The following GRB10 variants were observed in gnomAD, a reference collection of about 807,000 sequenced individuals.
GRB10 encodes the protein growth factor receptor-bound protein 10.
Under a neutral mutation model 80.9 loss-of-function variants are expected in GRB10, and 20 were observed. The observed-to-expected ratio is 0.25, with a 90% CI of 0.17 to 0.36. The LOEUF is 0.36. GRB10 is among the 10% of genes least tolerant of loss of function. The pLI is 1.00. For missense variants in GRB10, 548 were observed against 747.7 expected (o/e 0.73, Z 3.12); for synonymous variants, 291 against 291.5 (o/e 1.00, Z 0.02).
rs772801673 is a variant in GRB10 at position 50,669,733 on chromosome 7, C to A, written c.493G>T (p.Ala165Ser). 19 of 1,612,880 alleles carry A rather than the reference C, an allele frequency of 1.2e-5. No individual in the cohort carries two copies. Among genetic ancestry groups the A allele is most frequent in the Admixed American group, 1.0e-4 (6 of 60,008 alleles). ...TPGSLPPSQA[A>S]AKQDVKVFSE... ...AGGGGCACACTCACCTGCTTTGCGGCGGCCTGGCTCGGAGGTAAAGAACCC... is the reference window on the plus strand; with the variant it reads ...AGGGGCACACTCACCTGCTTTGCGGAGGCCTGGCTCGGAGGTAAAGAACCC... The change falls in exon 7 of 19, where the codon GCC (alanine) becomes TCC (serine). Residue 165 changes from alanine (A) to serine (S), a missense_variant. By Grantham distance (99) the Ala-to-Ser change is moderately conservative (BLOSUM62 1). Transcript: ENST00000401949.
intron 1 of GRB10, chr7:50,792,725 G>A (rs1318561535): frequency 1.2e-5 from 4 of 331,728 alleles, no homozygotes; most frequent in African/African-American, 8.6e-5. Flanking sequence ...CGGACGCCCG[G>A]ACGCCCGGGC....
At chr7:50,617,187 A>G (rs2050800857) in intron 10 of GRB10, among the ~76,000 whole-genome samples, 1 of 152,214 alleles carries the variant, frequency 6.6e-6, no homozygotes, top group Non-Finnish European at 1.5e-5. Flanking sequence ...GCCAGAACAG[A>G]CACATGCTAT....
chr7:50,777,427 T>TACACACACACACAC (rs1165846037), intron 2 of GRB10, among the ~76,000 whole-genome samples: 1 of 24,436 alleles, frequency 4.1e-5, no homozygotes, highest in Non-Finnish European at 9.4e-5. Context: ...CAGCAATCTG[T>TACACACACACACAC]ATACACACAC....
chr7:50,635,983 T>C (rs2054937283), intron 7 of GRB10, among the ~76,000 whole-genome samples: 1 of 125,052 alleles, frequency 8.0e-6, no homozygotes, highest in African/African-American at 2.9e-5. Context: ...TTTTTTTTTT[T>C]TTTTTTTGAG....
At chr7:50,605,176 A>T in intron 15 of GRB10, 114 bp downstream of exon 15, 1 of 719,988 alleles carries the variant, frequency 1.4e-6, no homozygotes, top group Admixed American at 2.2e-5. Context: ...CACCCCACCC[A>T]ACATGGCACC....
In GRB10 at chr7:50,591,793, G is replaced by A. The variant is rs535803681; in HGVS notation, c.*1159C>T. ...GGCTTATGGGGGTTTTCAGCAGGAC[G>A]GAGGGCTGCAAGCAAAGATCTTTAA... is the stretch of plus-strand genomic sequence containing the variant. On this transcript the variant is annotated 3_prime_UTR_variant, in exon 19 of 19. Coordinates refer to ENST00000401949, the MANE Select transcript of GRB10 (RefSeq NM_001350814.2). 2.6e-4 allele frequency: 40 copies of A among 152,358 alleles called. No homozygotes were observed. Among genetic ancestry groups the A allele is most frequent in the African/African-American group, 7.9e-4 (33 of 41,560 alleles). 9.4% of individuals were successfully genotyped at this position (152,358 alleles called of 1,614,324 possible).
At chr7:50,776,143 C>A (rs2077611225) in intron 2 of GRB10, among the ~76,000 whole-genome samples, 1 of 152,156 alleles carries the variant, frequency 6.6e-6, no homozygotes. Flanking sequence ...TTGGCCACAC[C>A]CTTAGTGTTT....
chr7:50,665,847 G>T (rs973471634), intron 7 of GRB10, among the ~76,000 whole-genome samples: 1 of 152,228 alleles, frequency 6.6e-6, no homozygotes, highest in African/African-American at 2.4e-5. Flanking sequence ...CCGATCAGAA[G>T]TAGCCCCCTT....
chr7:50,791,299 C>T (rs149203941), intron 1 of GRB10, among the ~76,000 whole-genome samples: 221 of 152,236 alleles, frequency 1.5e-3, no homozygotes, highest in African/African-American at 5.2e-3. Flanking sequence ...ATCTAGAATG[C>T]TCTGGTAACA....
intron 4 of GRB10, chr7:50,727,711 A>C (rs1316677417): frequency 2.2e-5 from 3 of 138,568 alleles, no homozygotes; most frequent in Non-Finnish European, 4.6e-5. Context: ...AAATTTACAT[A>C]AGTATCGCAC....
chr7:50,612,883 T>C (rs2049837337), intron 12 of GRB10, 44 bp from the exon 13 acceptor site: 1 of 1,313,142 alleles, frequency 7.6e-7, no homozygotes, highest in Non-Finnish European at 1.1e-6. Context: ...ACACAGGGAG[T>C]CAGAAACAGC....
chr7:50,735,608 G>A (rs1321838690), intron 3 of GRB10, among the ~76,000 whole-genome samples: 1 of 152,006 alleles, frequency 6.6e-6, no homozygotes, highest in East Asian at 1.9e-4. Flanking sequence ...TAAAAAAAGT[G>A]ATCTGCTATT....
chr7:50,652,513 AC>A (rs1351642885), intron 7 of GRB10, among the ~76,000 whole-genome samples: 1 of 152,214 alleles, frequency 6.6e-6, no homozygotes, highest in African/African-American at 2.4e-5. Context: ...CACTGAACTG[AC>A]TGCTAATAAA....
intron 7 of GRB10, among the ~76,000 whole-genome samples, chr7:50,639,579 G>A (rs940124633): frequency 6.6e-5 from 10 of 152,050 alleles, no homozygotes; most frequent in Admixed American, 2.6e-4. Flanking sequence ...AGGCTGAGGC[G>A]GGAGAATGGC....
intron 3 of GRB10, among the ~76,000 whole-genome samples, chr7:50,746,627 C>T (rs1214311634): frequency 1.3e-5 from 2 of 152,172 alleles, no homozygotes; most frequent in South Asian, 2.1e-4. Context: ...TGCTGTGCTG[C>T]AAATCTTCAT....
chr7:50,773,431 G>A (rs2077200531), intron 2 of GRB10, among the ~76,000 whole-genome samples: 1 of 80,420 alleles, frequency 1.2e-5, no homozygotes, highest in Non-Finnish European at 3.3e-5. Flanking sequence ...GGAAGGGAAG[G>A]GGAAGGGGAG....
intron 2 of GRB10, among the ~76,000 whole-genome samples, chr7:50,777,527 T>C (rs2077806938): frequency 6.6e-6 from 1 of 151,954 alleles, no homozygotes; most frequent in South Asian, 2.1e-4. Flanking sequence ...ATGAGTAAAT[T>C]GTATGGTATG....
chr7:50,642,361 CAT>C (rs201038118), intron 7 of GRB10, among the ~76,000 whole-genome samples: 1 of 152,086 alleles, frequency 6.6e-6, no homozygotes, highest in Non-Finnish European at 1.5e-5. Flanking sequence ...AATGCACACA[CAT>C]ATATGCCGTA....
At chr7:50,697,738 C>A (rs1474617594) in intron 5 of GRB10, among the ~76,000 whole-genome samples, 4 of 152,134 alleles carry the variant, frequency 2.6e-5, no homozygotes, top group Non-Finnish European at 5.9e-5. Flanking sequence ...AAAAAGAATC[C>A]CCAAAGTTGA....
Sources: allele counts gnomAD v4.1 joint callset (sites outside exome capture counted in the v4.1 genomes callset), GRCh38; gene constraint gnomAD v4.1.1; transcripts MANE v1.5; gene names NCBI Gene and HGNC (gene_info 2026-07-23, HGNC 2026-07-21).